Variants in GON4L observed in about 807,000 individuals in gnomAD.
GON4L encodes GON-4-like protein.
GON4L carries 87 observed loss-of-function variants against 211.8 expected under a neutral mutation model. The ratio of observed to expected loss-of-function variants is 0.41; its 90% CI spans 0.35 to 0.49. The LOEUF is 0.49. GON4L is among the 20% of genes least tolerant of loss of function. The pLI is 0.15. For synonymous variants in GON4L, 875 were observed against 962.6 expected (o/e 0.91, Z 1.68); for missense variants, 2,155 against 2,659.5 (o/e 0.81, Z 4.17).
chr1:155,750,521 T>G lies in GON4L; in HGVS notation c.*63A>C. 2.7e-6 allele frequency: 4 copies of G among 1,500,084 alleles called. No homozygotes were observed. The highest frequency in any genetic ancestry group is 3.7e-6 in the Non-Finnish European group (4 of 1,077,710). 92.9% of individuals were successfully genotyped at this position (1,500,084 alleles called of 1,614,324 possible). A position where few individuals can be genotyped will look rare whatever the true frequency, so the allele number is the denominator to read the frequency against. ...AAGGACTGTACAAGCAGAGTACAAC[T>G]ACCCCCTCCCCGGTGCCAGGGCGCC... On this transcript the variant is annotated 3_prime_UTR_variant, in exon 32 of 32. Transcript: ENST00000368331.
At chr1:155,815,698 G>C in intron 8 of GON4L, 107 bp downstream of exon 8, 1 of 734,810 alleles carries the variant, frequency 1.4e-6, no homozygotes, top group South Asian at 1.5e-5. Flanking sequence ...ACAGAAATGA[G>C]CTGAAAAAAG....
intron 10 of GON4L, among the ~76,000 whole-genome samples, chr1:155,811,718 T>A (rs1359231711): frequency 8.5e-6 from 1 of 117,062 alleles, no homozygotes; most frequent in Non-Finnish European, 1.6e-5. Flanking sequence ...ATGGCACCAC[T>A]GCACTCCAGC....
At chr1:155,794,095 G>A (rs555861882) in intron 12 of GON4L, among the ~76,000 whole-genome samples, 1 of 150,288 alleles carries the variant, frequency 6.7e-6, no homozygotes, top group Non-Finnish European at 1.5e-5. Flanking sequence ...TTTTTCAGGC[G>A]GAGCCTTGCT....
chr1:155,850,275 C>T (rs866385915), intron 2 of GON4L, among the ~76,000 whole-genome samples: 1 of 152,024 alleles, frequency 6.6e-6, no homozygotes, highest in South Asian at 2.1e-4. Context: ...AGCTATTTAC[C>T]CTTTTTTATT....
intron 2 of GON4L, among the ~76,000 whole-genome samples, chr1:155,848,159 A>G (rs1671433791): frequency 6.6e-6 from 1 of 152,196 alleles, no homozygotes; most frequent in South Asian, 2.1e-4. Context: ...CTGCTGCTCT[A>G]ATAAACTTGC....
intron 2 of GON4L, among the ~76,000 whole-genome samples, chr1:155,827,579 G>A (rs545158115): frequency 1.1e-4 from 16 of 152,172 alleles, no homozygotes; most frequent in Admixed American, 7.9e-4. Context: ...TAGTTACTTG[G>A]GGGGGCTGAG....
chr1:155,785,869 G>A (rs1277509973), intron 12 of GON4L, among the ~76,000 whole-genome samples: 1 of 152,204 alleles, frequency 6.6e-6, no homozygotes, highest in Non-Finnish European at 1.5e-5. Flanking sequence ...GGCCAAGACA[G>A]ATGGATCACA....
At chr1:155,813,869 A>G (rs943503025) in intron 9 of GON4L, 65 bp from the exon 10 acceptor site, 62 of 1,391,402 alleles carry the variant, frequency 4.5e-5, no homozygotes, top group Non-Finnish European at 6.3e-5. Flanking sequence ...AAGCAAAAAA[A>G]GGAAAAAAAG....
At chr1:155,802,027 G>C (rs1016002087) in intron 11 of GON4L, among the ~76,000 whole-genome samples, 2 of 152,122 alleles carry the variant, frequency 1.3e-5, no homozygotes, top group African/African-American at 4.8e-5. Context: ...TTTTCTAAAT[G>C]TTTGAGAAAA....
intron 28 of GON4L, 164 bp downstream of exon 28, chr1:155,754,211 C>T (rs1222407724): frequency 1.3e-5 from 9 of 679,410 alleles, no homozygotes; most frequent in Middle Eastern, 2.4e-4. Flanking sequence ...AAATCTATCA[C>T]GTATTTCTAG....
At chr1:155,754,521 G>GTTTTT in intron 27 of GON4L, 33 bp from the exon 28 acceptor site, 1 of 601,086 alleles carries the variant, frequency 1.7e-6, no homozygotes, top group Non-Finnish European at 2.9e-6. Flanking sequence ...TAGCTGCCAA[G>GTTTTT]TTGTTTTTTT....
downstream of GON4L, chr1:155,748,077 C>A (rs1660307047): frequency 6.2e-7 from 1 of 1,609,020 alleles, no homozygotes; most frequent in Non-Finnish European, 8.5e-7. Flanking sequence ...GGGTGGGAGC[C>A]TGGGCCTGCG....
At chr1:155,783,499 G>GT (rs1391001003) in intron 14 of GON4L, among the ~76,000 whole-genome samples, 3 of 152,198 alleles carry the variant, frequency 2.0e-5, no homozygotes, top group African/African-American at 4.8e-5. Context: ...TCTGGATGCT[G>GT]TAACACAAGT....
chr1:155,775,079 C>A lies in GON4L; in HGVS notation c.2273G>T (p.Gly758Val). Residue 758 changes from glycine (G) to valine (V), a missense_variant, in exon 17 of 32, where the codon GGA (glycine) becomes GTA (valine). Coordinates refer to ENST00000368331, the MANE Select transcript of GON4L (RefSeq NM_001282860.2). Reference sequence around the variant, plus strand: ...GAAGTCTTCAATCAGCTGCATAGCTCCCATCAAGTTACAGGGTTGGAACAG... The same window carrying A: ...GAAGTCTTCAATCAGCTGCATAGCTACCATCAAGTTACAGGGTTGGAACAG... ...QTLFQPCNLMGAMQLIEDFST... is the reference protein window; with the variant it reads ...QTLFQPCNLMVAMQLIEDFST... The A allele has an allele frequency of 1.2e-6, 2 of 1,613,570 alleles. No homozygotes were observed. Among genetic ancestry groups the A allele is most frequent in the East Asian group, 4.5e-5 (2 of 44,880 alleles).
chr1:155,838,879 T>C (rs549914017), intron 2 of GON4L, among the ~76,000 whole-genome samples: 30 of 151,618 alleles, frequency 2.0e-4, no homozygotes, highest in Non-Finnish European at 3.8e-4. Flanking sequence ...CTTAAAATCG[T>C]TTTGGATGCT....
At chr1:155,762,968 A>G (rs554623884) in intron 22 of GON4L, among the ~76,000 whole-genome samples, 8 of 152,038 alleles carry the variant, frequency 5.3e-5, no homozygotes, top group African/African-American at 1.9e-4. Context: ...CCTGGGAGGC[A>G]GAGGTTGCAG....
chr1:155,845,729 T>C (rs963363200), intron 2 of GON4L: 4 of 288,648 alleles, frequency 1.4e-5, no homozygotes, highest in Admixed American at 3.7e-5. Context: ...TAACTCAGTA[T>C]TGGTCACTAG....
intron 5 of GON4L, 66 bp from the exon 6 acceptor site, chr1:155,820,722 C>A: frequency 8.3e-7 from 1 of 1,203,628 alleles, no homozygotes; most frequent in Non-Finnish European, 1.2e-6. Flanking sequence ...TGGCTCATGC[C>A]TATAATCCTA....
At chr1:155,810,444 A>C (rs528954977) in intron 10 of GON4L, among the ~76,000 whole-genome samples, 2 of 152,090 alleles carry the variant, frequency 1.3e-5, no homozygotes, top group East Asian at 3.9e-4. Flanking sequence ...ATGGTGGCTC[A>C]CGCCTGTAAT....
Sources: allele counts gnomAD v4.1 joint callset (sites outside exome capture counted in the v4.1 genomes callset), GRCh38; gene constraint gnomAD v4.1.1; transcripts MANE v1.5; gene names NCBI Gene and HGNC (gene_info 2026-07-23, HGNC 2026-07-21).